GRID2: variants seen among roughly 807,000 people sequenced by gnomAD.
GRID2 encodes glutamate ionotropic receptor delta type subunit 2.
A neutral mutation model predicts 114.8 loss-of-function variants in GRID2; 33 were observed. The observed-to-expected ratio is 0.29, with a 90% CI of 0.22 to 0.38. GRID2 has a LOEUF of 0.38. GRID2 is among the 10% of genes least tolerant of loss of function. The pLI is 1.00. For synonymous variants in GRID2, 505 were observed against 449.9 expected (o/e 1.12, Z -1.55); for missense variants, 1,184 against 1,257.7 (o/e 0.94, Z 0.89).
intron 1 of GRID2, among the ~76,000 whole-genome samples, chr4:92,447,136 G>A (rs931736635): frequency 2.6e-5 from 4 of 152,114 alleles, no homozygotes; most frequent in African/African-American, 9.7e-5. Flanking sequence ...AGATAGTAAT[G>A]CATTGGGTTT....
rs571476099 is a variant in GRID2, at chr4:92,322,969, AT to A, written c.88+18232del. On this transcript the variant is annotated intron_variant, in intron 1 of 15. Transcript: ENST00000282020. ...GCCTGTAATTGCTCCCTTTATTATT[AT>A]TTTTTTGTCCTTTCTCCCTATCTGC... 1.3e-3 allele frequency among the ~76,000 whole-genome samples: 204 copies of A among 151,920 alleles called. 3 individuals carry two copies. Among genetic ancestry groups the A allele is most frequent in the Middle Eastern group, 6.8e-3 (2 of 294 alleles).
At chr4:93,715,785 T>A (rs1728855764) in intron 14 of GRID2, among the ~76,000 whole-genome samples, 1 of 152,218 alleles carries the variant, frequency 6.6e-6, no homozygotes, top group Non-Finnish European at 1.5e-5. Context: ...TGATTTTGTA[T>A]CCTGAGACTG....
At chr4:92,881,505 C>CT (rs542079770) in intron 2 of GRID2, among the ~76,000 whole-genome samples, 3 of 151,910 alleles carry the variant, frequency 2.0e-5, no homozygotes, top group Non-Finnish European at 2.9e-5. Context: ...CGTCTGCTTC[C>CT]TTTTTTTTCC....
chr4:93,690,360 T>C (rs1726454698), intron 14 of GRID2, among the ~76,000 whole-genome samples: 1 of 152,062 alleles, frequency 6.6e-6, no homozygotes, highest in Non-Finnish European at 1.5e-5. Context: ...CATGTACTTC[T>C]GTGTTATTTA....
At chr4:92,758,423 G>C (rs909529397) in intron 2 of GRID2, among the ~76,000 whole-genome samples, 16 of 152,008 alleles carry the variant, frequency 1.1e-4, no homozygotes, top group Non-Finnish European at 2.1e-4. Flanking sequence ...TTTAAGTCTT[G>C]TTTAATATAT....
chr4:93,402,547 A>C (rs1765998328), intron 9 of GRID2, among the ~76,000 whole-genome samples: 1 of 152,100 alleles, frequency 6.6e-6, no homozygotes, highest in Admixed American at 6.6e-5. Context: ...GGGAGATTGG[A>C]GGACTCTAAG....
chr4:93,171,620 A>AC (rs1473895728), intron 4 of GRID2, among the ~76,000 whole-genome samples: 2 of 152,212 alleles, frequency 1.3e-5, no homozygotes. Context: ...TAACTTGTCC[A>AC]CGTAGGACCC....
intron 8 of GRID2, among the ~76,000 whole-genome samples, chr4:93,240,814 C>A (rs796959665): frequency 1.0e-3 from 153 of 150,240 alleles, no homozygotes; most frequent in African/African-American, 3.5e-3. Context: ...CTCTTCAATA[C>A]TCTTCATTTG....
chr4:92,415,748 A>G (rs768338790), intron 1 of GRID2, among the ~76,000 whole-genome samples: 6,798 of 83,248 alleles, frequency 0.082, 361 homozygotes, highest in South Asian at 0.16. Flanking sequence ...GTGTATATAT[A>G]TATATATATA....
chr4:93,435,066 T>G (rs1209652911), intron 10 of GRID2, among the ~76,000 whole-genome samples: 1 of 150,844 alleles, frequency 6.6e-6, no homozygotes, highest in Non-Finnish European at 1.5e-5. Context: ...TCTCTTATTC[T>G]GTTTTATTGT....
intron 1 of GRID2, among the ~76,000 whole-genome samples, chr4:92,440,622 G>A (rs1732999090): frequency 6.6e-6 from 1 of 151,982 alleles, no homozygotes; most frequent in African/African-American, 2.4e-5. Flanking sequence ...ACGATGGAAA[G>A]GAAATGGAGG....
At chr4:93,762,289 C>G (rs1733278068) in intron 14 of GRID2, among the ~76,000 whole-genome samples, 1 of 152,080 alleles carries the variant, frequency 6.6e-6, no homozygotes, top group South Asian at 2.1e-4. Context: ...TAATGGGACT[C>G]TCTCCTAAAT....
chr4:93,384,606 G>A (rs1309265196), intron 8 of GRID2, among the ~76,000 whole-genome samples: 2 of 152,024 alleles, frequency 1.3e-5, no homozygotes, highest in South Asian at 2.1e-4. Context: ...CTTGTACCCC[G>A]TAAAACCAGC....
At chr4:92,800,230 GACTA>G (rs1578207919) in intron 2 of GRID2, among the ~76,000 whole-genome samples, 1 of 151,680 alleles carries the variant, frequency 6.6e-6, no homozygotes, top group East Asian at 2.0e-4. Context: ...TCTGAAGTTA[GACTA>G]ACTGGGAAGA....
intron 2 of GRID2, among the ~76,000 whole-genome samples, chr4:92,999,855 T>C (rs553751015): frequency 6.6e-6 from 1 of 151,778 alleles, no homozygotes; most frequent in South Asian, 2.1e-4. Flanking sequence ...ATATTTTCAT[T>C]AGAGATATAT....
chr4:92,480,477 G>A (rs1420089379), intron 1 of GRID2, among the ~76,000 whole-genome samples: 1 of 152,096 alleles, frequency 6.6e-6, no homozygotes, highest in African/African-American at 2.4e-5. Flanking sequence ...TCTTGCCACA[G>A]TGCCTGTCTT....
intron 13 of GRID2, among the ~76,000 whole-genome samples, chr4:93,537,296 A>G (rs1732190798): frequency 6.6e-6 from 1 of 151,722 alleles, no homozygotes; most frequent in Non-Finnish European, 1.5e-5. Context: ...TAGTGTTTAC[A>G]TAGCTCCTAT....
intron 2 of GRID2, among the ~76,000 whole-genome samples, chr4:92,858,779 G>A (rs1026031337): frequency 4.6e-5 from 7 of 152,022 alleles, no homozygotes; most frequent in Admixed American, 2.0e-4. Flanking sequence ...GGATGGTCTC[G>A]ATCTCCTGAT....
At chr4:93,502,570 G>C (rs897933668) in intron 12 of GRID2, among the ~76,000 whole-genome samples, 2 of 151,766 alleles carry the variant, frequency 1.3e-5, no homozygotes, top group Non-Finnish European at 2.9e-5. Flanking sequence ...CATCATGCCA[G>C]TGATGTTGGT....
Sources: allele counts gnomAD v4.1 joint callset (sites outside exome capture counted in the v4.1 genomes callset), GRCh38; gene constraint gnomAD v4.1.1; transcripts MANE v1.5; gene names NCBI Gene and HGNC (gene_info 2026-07-23, HGNC 2026-07-21).